HDAC4: variants seen among roughly 807,000 people sequenced by gnomAD.
HDAC4 encodes histone deacetylase A.
Under a neutral mutation model 135.1 loss-of-function variants are expected in HDAC4, and 16 were observed. The ratio of observed to expected loss-of-function variants is 0.12; its 90% confidence interval spans 0.08 to 0.18. HDAC4 has a LOEUF of 0.18. HDAC4 is among the 10% of genes least tolerant of loss of function. HDAC4 has a pLI of 1.00. For synonymous variants in HDAC4, 685 were observed against 653.4 expected, an observed-to-expected ratio of 1.05 and a Z score of -0.74; for missense variants, 1,143 against 1,511.8, an observed-to-expected ratio of 0.76 and a Z score of 4.05.
At chr2:239,206,002 AAGG>A (rs763243396) in intron 3 of HDAC4, among the ~76,000 whole-genome samples, 1 of 152,230 alleles carries the variant, frequency 6.6e-6, no homozygotes, top group African/African-American at 2.4e-5. Flanking sequence ...AAAGAATTTT[AAGG>A]AGAAGAAAGA....
At position 239,280,869 on chromosome 2, in the gene HDAC4, T is replaced by C. The variant is rs143942189; in HGVS notation, c.23-44205A>G. 1.2e-3 allele frequency among the ~76,000 whole-genome samples: 151 copies of C among 128,516 alleles called. 1 individual carries two copies. Among genetic ancestry groups the C allele is most frequent in the African/African-American group, 4.6e-3 (150 of 32,750 alleles). The allele number at this position is 128,516 out of a possible 152,430, so 84.3% of individuals were successfully genotyped here. On this transcript the variant is annotated intron_variant, in intron 2 of 26. Coordinates refer to ENST00000543185, the MANE Select transcript of HDAC4 (RefSeq NM_001378414.1). Reference sequence around the variant, plus strand: ...CCACACAATGTACACACCTCTACAATGTACACACCACTCTCCACACAATGT... The same window carrying C: ...CCACACAATGTACACACCTCTACAACGTACACACCACTCTCCACACAATGT...
rs2052142960 is a variant in HDAC4, at chr2:239,299,833, C to G, written c.22+52845G>C. On this transcript the variant is annotated intron_variant, in intron 2 of 26. Transcript: ENST00000543185. The surrounding 1 kb of genome is among the most constrained non-coding windows in gnomAD (Gnocchi z 4.0). ...CAGGGGAGGCACACACCAGACGAAC[C>G]AAACCAGCAACAGAGCGGAGAGCCT... 2.0e-5 allele frequency among the ~76,000 whole-genome samples: 3 copies of G among 152,176 alleles called. No individual in the cohort carries two copies. Among genetic ancestry groups the G allele is most frequent in the South Asian group, 4.1e-4 (2 of 4,828 alleles).
At chr2:239,073,741 C>T (rs1338577906) in intron 22 of HDAC4, among the ~76,000 whole-genome samples, 1 of 152,238 alleles carries the variant, frequency 6.6e-6, no homozygotes, top group East Asian at 1.9e-4. Context: ...TCAGAGCGTG[C>T]GTGGAGTTGG....
rs533343992 is a variant in HDAC4, at chr2:239,355,536, C to T, written c.-219-2618G>A. Among the ~76,000 whole-genome samples, 38 of 152,358 alleles carry T rather than the reference C, an allele frequency of 2.5e-4. 1 individual carries two copies. The South Asian group carries it at 7.9e-3, about 32-fold the overall frequency. On this transcript the variant is annotated intron_variant, in intron 1 of 26. Coordinates refer to ENST00000543185, the MANE Select transcript of HDAC4 (RefSeq NM_001378414.1). ...GGCCTAGTCCCTCCTCATACATCAC[C>T]TTCTGCTTCTCTTTGTTGAGCCAGG...
chr2:239,087,539 G>A lies in HDAC4; in HGVS notation c.2444+20C>T. 1.2e-6 allele frequency: 2 copies of A among 1,611,432 alleles called. No homozygotes were observed. Among genetic ancestry groups the A allele is most frequent in the Non-Finnish European group, 8.5e-7 (1 of 1,178,838 alleles). On this transcript the variant is annotated intron_variant, in intron 19 of 26. Transcript: ENST00000543185. Reference sequence around the variant, plus strand: ...AAGACCTGGGTTCCCCTGCTGTGCGGGGCTGCGGCGTGTACTCACATGGGC... The same window carrying A: ...AAGACCTGGGTTCCCCTGCTGTGCGAGGCTGCGGCGTGTACTCACATGGGC...
chr2:239,222,961 G>A (rs940305974), intron 3 of HDAC4, among the ~76,000 whole-genome samples: 12 of 152,082 alleles, frequency 7.9e-5, no homozygotes, highest in Admixed American at 2.6e-4. Context: ...TCTCCAGCCT[G>A]CTCACACCAG....
chr2:239,184,238 C>G (rs2044344009), intron 4 of HDAC4, among the ~76,000 whole-genome samples: 1 of 152,212 alleles, frequency 6.6e-6, no homozygotes. Context: ...GATGTGCAAC[C>G]TACATACAAA....
chr2:239,352,847 C>T lies in HDAC4; in HGVS notation c.-148G>A, dbSNP rs1442058956. 2.5e-6 allele frequency: 2 copies of T among 816,128 alleles called. No homozygotes were observed. The highest frequency in any genetic ancestry group is 1.7e-5 in the African/African-American group (1 of 59,046). 50.6% of individuals were successfully genotyped at this position (816,128 alleles called of 1,614,324 possible). A position where few individuals can be genotyped will look rare whatever the true frequency, so the allele number is the denominator to read the frequency against. ...TCACAGACGTTCAAGCGCCGAGCCTCGCCGGCAAGGTCTCATGAGCCAGGT... is the reference window on the plus strand; with the variant it reads ...TCACAGACGTTCAAGCGCCGAGCCTTGCCGGCAAGGTCTCATGAGCCAGGT... On this transcript the variant is annotated 5_prime_UTR_variant, in exon 2 of 27. Transcript: ENST00000543185. The surrounding 1 kb of genome is among the most constrained non-coding windows in gnomAD (Gnocchi z 4.4).
At chr2:239,250,323 C>G (rs2048713579) in intron 2 of HDAC4, among the ~76,000 whole-genome samples, 1 of 152,220 alleles carries the variant, frequency 6.6e-6, no homozygotes, top group Admixed American at 6.5e-5. Context: ...TCTTCAGTAC[C>G]CGGTCTCTAA....
chr2:239,081,577 T>C (rs1391657045), intron 21 of HDAC4, among the ~76,000 whole-genome samples: 4 of 152,160 alleles, frequency 2.6e-5, no homozygotes, highest in Admixed American at 1.3e-4. Flanking sequence ...TCCTACTTCC[T>C]CTAAAAAAAT....
At chr2:239,324,300 A>G (rs1269615714) in intron 2 of HDAC4, among the ~76,000 whole-genome samples, 1 of 152,242 alleles carries the variant, frequency 6.6e-6, no homozygotes, top group African/African-American at 2.4e-5. Context: ...CAATCCTGCC[A>G]CAACTCACCA....
intron 19 of HDAC4, among the ~76,000 whole-genome samples, chr2:239,084,933 G>A (rs2035774916): frequency 7.9e-6 from 1 of 127,258 alleles, no homozygotes; most frequent in Non-Finnish European, 1.6e-5. Flanking sequence ...ACCCCATACA[G>A]AAACACTCAC....
At chr2:239,144,748 A>G in intron 7 of HDAC4, 34 bp from the exon 8 acceptor site, 3 of 1,610,400 alleles carry the variant, frequency 1.9e-6, no homozygotes, top group East Asian at 4.5e-5. Flanking sequence ...ACAGCCAGGC[A>G]GACACCACTG....
chr2:239,188,000 C>T (rs1217924374), intron 4 of HDAC4, among the ~76,000 whole-genome samples: 1 of 152,250 alleles, frequency 6.6e-6, no homozygotes, highest in Non-Finnish European at 1.5e-5. Context: ...GCAGCAACAA[C>T]TCCCAAGCCA....
At chr2:239,374,041 G>A (rs898866333) in intron 1 of HDAC4, among the ~76,000 whole-genome samples, 4 of 152,150 alleles carry the variant, frequency 2.6e-5, no homozygotes, top group Non-Finnish European at 4.4e-5. Flanking sequence ...AACTGAGCCC[G>A]GAAGACACAG....
At chr2:239,140,676 C>G (rs1343478721) in intron 8 of HDAC4, among the ~76,000 whole-genome samples, 2 of 152,212 alleles carry the variant, frequency 1.3e-5, no homozygotes, top group Non-Finnish European at 2.9e-5. Flanking sequence ...GTGCTCAGAA[C>G]CTCGCCCCAA....
intron 7 of HDAC4, among the ~76,000 whole-genome samples, 152 bp downstream of exon 7, chr2:239,156,499 TA>T (rs1483608235): frequency 6.6e-6 from 1 of 152,240 alleles, no homozygotes; most frequent in African/African-American, 2.4e-5. Context: ...GGATATCTTT[TA>T]AAAACGATGC....
At chr2:239,074,127 C>T (rs1445694251) in intron 22 of HDAC4, among the ~76,000 whole-genome samples, 1 of 152,132 alleles carries the variant, frequency 6.6e-6, no homozygotes, top group Admixed American at 6.5e-5. Context: ...CCTCTGCTTT[C>T]AACTGTCCAC....
In HDAC4 at chr2:239,090,020, C is replaced by CT. The variant is rs1171207928; in HGVS notation, c.2376dup (p.Gly793ArgfsTer91). 1 of 1,613,352 alleles carries CT rather than the reference C, an allele frequency of 6.2e-7. No individual in the cohort carries two copies. The highest frequency in any genetic ancestry group is 8.5e-7 in the Non-Finnish European group (1 of 1,179,484). On this transcript the variant is annotated frameshift_variant, in exon 18 of 27. Transcript: ENST00000543185. LOFTEE classifies it high-confidence loss of function. ...AGGCCCCGACTGACCTTCAGCTCCC[C>CT]TGTGGCCACCTTGAAGACCAGCTCT...
Sources: gnomAD v4.1 joint callset for allele counts (sites outside exome capture counted in the v4.1 genomes callset) on GRCh38, gnomAD v4.1.1 for gene constraint, Gnocchi (gnomAD v3.1) non-coding constraint, MANE v1.5 for transcripts, NCBI Gene and HGNC (gene_info 2026-07-23, HGNC 2026-07-21) for gene names.